Variants in PCDHA2 observed in about 807,000 individuals in gnomAD.
The protein encoded by PCDHA2 is protocadherin alpha 2.
PCDHA2 carries 58 observed loss-of-function variants against 66.0 expected under a neutral mutation model. The observed-to-expected ratio is 0.88, with a 90% CI of 0.71 to 1.09. The LOEUF is 1.09. Among genes scored for constraint, PCDHA2 ranks in the 50% least tolerant of loss-of-function variants. The probability of loss-of-function intolerance (pLI) is 0.00; values close to 1 mark genes in which losing one functional copy is unlikely to be tolerated. For synonymous variants in PCDHA2, 634 were observed against 554.0 expected (o/e 1.14, Z -2.03); for missense variants, 1,267 against 1,242.3 (o/e 1.02, Z -0.30).
chr5:140,802,906 T>A, intron 1 of PCDHA2: 1 of 1,613,704 alleles, frequency 6.2e-7, no homozygotes, highest in Non-Finnish European at 8.5e-7. Flanking sequence ...ATGCCTCGGG[T>A]GGGTGGCATC....
chr5:140,812,296 A>G (rs180912974), intron 1 of PCDHA2: 1 of 152,090 alleles, frequency 6.6e-6, no homozygotes, highest in Non-Finnish European at 1.5e-5. Context: ...ATTTTTTGGT[A>G]TATGATTTTA....
At chr5:141,007,161 G>C (rs2098308747) in intron 3 of PCDHA2, among the ~76,000 whole-genome samples, 1 of 152,146 alleles carries the variant, frequency 6.6e-6, no homozygotes, top group Non-Finnish European at 1.5e-5. Context: ...TCAAAGAACA[G>C]TCAGAGAGAA....
In PCDHA2 at chr5:140,795,437, C is replaced by A. The variant is rs1347907784; in HGVS notation, c.473C>A (p.Ser158Tyr). 1 of 1,614,198 alleles carries A rather than the reference C, an allele frequency of 6.2e-7. No homozygotes were observed. Among genetic ancestry groups the A allele is most frequent in the African/African-American group, 1.3e-5 (1 of 75,052 alleles). Residue 158 changes from serine to tyrosine, a missense_variant, in exon 1 of 4, where the codon TCT (serine) becomes TAT (tyrosine). Transcript: ENST00000526136. ...TCTCGGTTTCCTCTAGAGGGAGCAT[C>A]TGATGCAGATATAGGAGTAAATGCT... ...LDSRFPLEGA[S>Y]DADIGVNALL... is the part of the protein sequence containing the mutation.
chr5:140,928,428 C>T (rs1273911750), intron 1 of PCDHA2: 2 of 1,614,026 alleles, frequency 1.2e-6, no homozygotes, highest in Non-Finnish European at 8.5e-7. Flanking sequence ...CCAAAACTTC[C>T]TTTGACTTTG....
chr5:140,834,292 C>T, intron 1 of PCDHA2: 4 of 1,207,488 alleles, frequency 3.3e-6, no homozygotes, highest in Non-Finnish European at 3.5e-6. Flanking sequence ...ACAACAATGG[C>T]CACACATCGA....
intron 1 of PCDHA2, among the ~76,000 whole-genome samples, chr5:140,960,080 A>G: frequency 6.6e-6 from 1 of 152,360 alleles, no homozygotes; most frequent in South Asian, 2.1e-4. Context: ...GAAGTTTCTA[A>G]AAGAGAAAGA....
chr5:140,835,745 G>C (rs2150243893), intron 1 of PCDHA2: 2 of 1,613,472 alleles, frequency 1.2e-6, no homozygotes, highest in South Asian at 2.2e-5. Context: ...ACGCCCCGGC[G>C]TTCGCGCAGC....
chr5:140,883,356 C>T (rs147755059), intron 1 of PCDHA2: 31 of 1,614,190 alleles, frequency 1.9e-5, no homozygotes, highest in Non-Finnish European at 2.3e-5. Flanking sequence ...AGAGAAGACA[C>T]TCAGCCTAGC....
intron 1 of PCDHA2, chr5:140,969,383 C>T: frequency 6.3e-6 from 10 of 1,597,986 alleles, no homozygotes; most frequent in African/African-American, 1.3e-5. Context: ...TGTTACACAT[C>T]CCCCAATATC....
intron 1 of PCDHA2, chr5:140,828,598 C>A (rs2150157215): frequency 1.9e-5 from 30 of 1,614,080 alleles, no homozygotes; most frequent in Non-Finnish European, 2.3e-5. Context: ...CCATCTTAAC[C>A]TATAAACTCA....
intron 1 of PCDHA2, chr5:140,842,523 T>C (rs2150338056): frequency 6.2e-7 from 1 of 1,613,420 alleles, no homozygotes; most frequent in South Asian, 1.1e-5. Flanking sequence ...GTGTCCACCT[T>C]CAAGAATTAC....
At chr5:140,842,700 A>G in intron 1 of PCDHA2, 1 of 1,595,270 alleles carries the variant, frequency 6.3e-7, no homozygotes, top group Non-Finnish European at 8.6e-7. Flanking sequence ...CAGCCCGAGT[A>G]CACGGTGTTC....
chr5:140,797,359 C>G lies in PCDHA2; in HGVS notation c.2388+7C>G, dbSNP rs782499086. 11 of 1,611,380 alleles carry G rather than the reference C, an allele frequency of 6.8e-6. No homozygotes were observed. In the East Asian group the frequency reaches 2.5e-4, roughly 36 times the overall value. On this transcript the variant is annotated splice_region_variant and intron_variant, in intron 1 of 3. Transcript: ENST00000526136. ...ATCAGAATACGTAGGAAAGGTGAGT[C>G]TTTTACTTTTTCTTGCCAATTCTAA...
intron 1 of PCDHA2, chr5:140,877,410 C>G (rs1339534741): frequency 7.4e-6 from 12 of 1,613,922 alleles, no homozygotes; most frequent in Non-Finnish European, 9.3e-6. Context: ...CGCGCCACCG[C>G]CTGCTGGTGC....
intron 1 of PCDHA2, among the ~76,000 whole-genome samples, chr5:140,833,650 C>T (rs1554133918): frequency 6.6e-6 from 1 of 152,108 alleles, no homozygotes; most frequent in African/African-American, 2.4e-5. Flanking sequence ...TCACATGATA[C>T]AAATTCTTCC....
intron 1 of PCDHA2, among the ~76,000 whole-genome samples, chr5:140,961,280 CT>C (rs2153727915): frequency 6.6e-6 from 1 of 152,104 alleles, no homozygotes; most frequent in Admixed American, 6.5e-5. Flanking sequence ...TACCATGGCT[CT>C]GTTTCTTGAG....
At chr5:140,964,107 G>A (rs1298844061) in intron 1 of PCDHA2, among the ~76,000 whole-genome samples, 1 of 152,090 alleles carries the variant, frequency 6.6e-6, no homozygotes, top group Non-Finnish European at 1.5e-5. Flanking sequence ...AACAGTCTGA[G>A]CAATCACATT....
At chr5:140,855,357 A>C (rs2043441484) in intron 1 of PCDHA2, among the ~76,000 whole-genome samples, 1 of 150,032 alleles carries the variant, frequency 6.7e-6, no homozygotes, top group South Asian at 2.1e-4. Context: ...TCATGTGGCT[A>C]GTGAGTAGGA....
At chr5:140,802,480 G>C (rs1466401935) in intron 1 of PCDHA2, 4 of 1,614,188 alleles carry the variant, frequency 2.5e-6, no homozygotes, top group East Asian at 2.2e-5. Flanking sequence ...GTGACTGCTC[G>C]GGACGGGGGC....
Sources: gnomAD v4.1 joint callset for allele counts (sites outside exome capture counted in the v4.1 genomes callset) on GRCh38, gnomAD v4.1.1 for gene constraint, MANE v1.5 for transcripts, NCBI Gene and HGNC (gene_info 2026-07-23, HGNC 2026-07-21) for gene names.